Variants in PEPD observed in about 807,000 individuals in gnomAD.
PEPD encodes the protein xaa-Pro dipeptidase.
PEPD carries 53 observed loss-of-function variants against 60.7 expected under a neutral mutation model. That is an observed-to-expected ratio of 0.87 (90% CI 0.70 to 1.10). The LOEUF (loss-of-function observed/expected upper bound fraction) is 1.10. Ranked by LOEUF, PEPD falls within the 50% of genes least tolerant of loss-of-function variation. PEPD has a pLI of 0.00. For missense variants in PEPD, 711 were observed against 711.9 expected (o/e 1.00, Z 0.01); for synonymous variants, 267 against 284.1 (o/e 0.94, Z 0.60).
At chr19:33,405,427 G>A (rs780594660) in intron 11 of PEPD, among the ~76,000 whole-genome samples, 11 of 152,244 alleles carry the variant, frequency 7.2e-5, no homozygotes, top group Non-Finnish European at 1.2e-4. Flanking sequence ...GTTTACACGC[G>A]CTCATATTCG....
intron 11 of PEPD, among the ~76,000 whole-genome samples, chr19:33,404,189 T>C (rs553424441): frequency 1.3e-3 from 198 of 152,270 alleles, no homozygotes; most frequent in Non-Finnish European, 2.4e-3. Context: ...AGTGGAGCCA[T>C]ATGGAACACA....
intron 12 of PEPD, among the ~76,000 whole-genome samples, chr19:33,400,445 T>G (rs1035936788): frequency 3.9e-5 from 6 of 152,360 alleles, no homozygotes; most frequent in Admixed American, 6.5e-5. Flanking sequence ...TGGAGACTGT[T>G]CTGTTGCTTA....
chr19:33,512,141 C>T (rs1195285453), intron 2 of PEPD, among the ~76,000 whole-genome samples: 1 of 152,138 alleles, frequency 6.6e-6, no homozygotes, highest in East Asian at 1.9e-4. Context: ...GGCATGGCAG[C>T]GGGGAGAAAA....
At chr19:33,393,480 C>T (rs1968281620) in intron 12 of PEPD, among the ~76,000 whole-genome samples, 1 of 152,174 alleles carries the variant, frequency 6.6e-6, no homozygotes, top group Admixed American at 6.5e-5. Context: ...CACTTGGCCG[C>T]TCCCCCGCCT....
At chr19:33,446,443 C>A (rs888975904) in intron 9 of PEPD, among the ~76,000 whole-genome samples, 2 of 152,240 alleles carry the variant, frequency 1.3e-5, no homozygotes, top group African/African-American at 4.8e-5. Context: ...AAGACCTAGA[C>A]CCACCCGGGC....
intron 9 of PEPD, among the ~76,000 whole-genome samples, chr19:33,461,839 G>A (rs916572682): frequency 1.3e-5 from 2 of 152,156 alleles, no homozygotes; most frequent in Non-Finnish European, 2.9e-5. Flanking sequence ...CAGCCTCCCC[G>A]GCTGACGGAG....
At chr19:33,397,850 C>T (rs1968402963) in intron 12 of PEPD, among the ~76,000 whole-genome samples, 1 of 152,186 alleles carries the variant, frequency 6.6e-6, no homozygotes, top group African/African-American at 2.4e-5. Flanking sequence ...GATGGGAGAC[C>T]CAGCTCAGGC....
In PEPD at chr19:33,441,229, T is replaced by C. The variant is rs561027694; in HGVS notation, c.671+21766A>G. ...CTCCAAGGCCTCCTGAGATGGCACC[T>C]TCAGAAACACGCCCTGGCATTTAAC... On this transcript the variant is annotated intron_variant, in intron 9 of 14. Transcript: ENST00000244137. 1.1e-4 allele frequency among the ~76,000 whole-genome samples: 16 copies of C among 152,320 alleles called. No individual in the cohort carries two copies. The South Asian group carries it at 1.5e-3, about 14-fold the overall frequency.
chr19:33,430,032 G>A (rs936450376), intron 9 of PEPD, among the ~76,000 whole-genome samples: 2 of 152,208 alleles, frequency 1.3e-5, no homozygotes, highest in Middle Eastern at 3.2e-3. Flanking sequence ...TGTCCTGCAC[G>A]CTGGCTGAGA....
At chr19:33,389,497 T>TC (rs111376044) in intron 13 of PEPD, among the ~76,000 whole-genome samples, 44,809 of 151,858 alleles carry the variant, frequency 0.3, 7,285 homozygotes, top group African/African-American at 0.44. Context: ...TGTGCTGGGC[T>TC]CCCCCACCCC....
intron 11 of PEPD, among the ~76,000 whole-genome samples, chr19:33,404,472 CAA>C (rs1332949321): frequency 1.3e-5 from 2 of 152,170 alleles, no homozygotes; most frequent in African/African-American, 4.8e-5. Flanking sequence ...ACAACAACAA[CAA>C]CAACCAGGAA....
At chr19:33,453,918 G>A (rs755596379) in intron 9 of PEPD, among the ~76,000 whole-genome samples, 1 of 152,170 alleles carries the variant, frequency 6.6e-6, no homozygotes, top group Non-Finnish European at 1.5e-5. Context: ...CTCCTAAGTC[G>A]GCTTCTTAAA....
intron 9 of PEPD, among the ~76,000 whole-genome samples, chr19:33,420,852 T>A (rs1969001080): frequency 6.6e-6 from 1 of 152,226 alleles, no homozygotes; most frequent in Non-Finnish European, 1.5e-5. Context: ...CACGCCTGTG[T>A]GCCTGGCCCC....
At chr19:33,459,426 G>A (rs954649750) in intron 9 of PEPD, among the ~76,000 whole-genome samples, 5 of 152,136 alleles carry the variant, frequency 3.3e-5, no homozygotes, top group African/African-American at 4.8e-5. Context: ...TAATGGATCC[G>A]GCCGCCAGCC....
chr19:33,432,502 C>G (rs924334635), intron 9 of PEPD, among the ~76,000 whole-genome samples: 1 of 152,186 alleles, frequency 6.6e-6, no homozygotes, highest in African/African-American at 2.4e-5. Flanking sequence ...CAGGATGGGG[C>G]AGAACCCGCA....
At chr19:33,446,449 C>T (rs544172378) in intron 9 of PEPD, among the ~76,000 whole-genome samples, 3 of 152,340 alleles carry the variant, frequency 2.0e-5, no homozygotes, top group Admixed American at 1.3e-4. Context: ...TAGACCCACC[C>T]GGGCACGTGG....
intron 9 of PEPD, among the ~76,000 whole-genome samples, chr19:33,426,662 G>A (rs768062682): frequency 6.6e-6 from 1 of 152,252 alleles, no homozygotes; most frequent in Non-Finnish European, 1.5e-5. Context: ...GGGAGGCAGC[G>A]CCAAGCCAGT....
At position 33,413,510 on chromosome 19, in the gene PEPD, C is replaced by A; in HGVS notation, c.740+65G>T. 4 of 865,212 alleles carry A rather than the reference C, an allele frequency of 4.6e-6. No homozygotes were observed. The Admixed American group carries it at 6.0e-5, about 13-fold the overall frequency. The allele number at this position is 865,212 out of a possible 1,614,324, so 53.6% of individuals were successfully genotyped here. On this transcript the variant is annotated intron_variant, in intron 10 of 14. Coordinates refer to ENST00000244137, the MANE Select transcript of PEPD (RefSeq NM_000285.4). ...TGAGCTGGGGGATGGTGGAGCCCCCCACTCACTAACTGCCCTACCTCCTCC... is the reference window on the plus strand; with the variant it reads ...TGAGCTGGGGGATGGTGGAGCCCCCAACTCACTAACTGCCCTACCTCCTCC...
chr19:33,494,432 T>A (rs562555639), intron 4 of PEPD, among the ~76,000 whole-genome samples: 1 of 152,176 alleles, frequency 6.6e-6, no homozygotes, highest in Non-Finnish European at 1.5e-5. Flanking sequence ...CTGAGATGCC[T>A]CCCAAGAAAA....
Sources: gnomAD v4.1 joint callset for allele counts (sites outside exome capture counted in the v4.1 genomes callset) on GRCh38, gnomAD v4.1.1 for gene constraint, MANE v1.5 for transcripts, NCBI Gene and HGNC (gene_info 2026-07-23, HGNC 2026-07-21) for gene names.